C8B: variants seen among roughly 807,000 people sequenced by gnomAD.
C8B encodes complement C8 beta chain, also known as complement component C8 beta chain.
A neutral mutation model predicts 64.6 loss-of-function variants in C8B; 67 were observed. The ratio of observed to expected loss-of-function variants is 1.04; its 90% CI spans 0.85 to 1.27. The LOEUF is 1.27. C8B is among the 50% of genes most tolerant of loss of function. The pLI is 0.00. For missense variants in C8B, 790 were observed against 725.2 expected (o/e 1.09, Z -1.03); for synonymous variants, 284 against 257.7 (o/e 1.10, Z -0.98).
Position 56,954,813 on chromosome 1 carries a change from G to T in C8B, c.406C>A (p.Arg136Ser). The stretch of plus-strand genomic sequence containing the variant: ...TTGTCCCCATTGCAAAGAAGTCTGC[G>T]GTTTACACACCTTCCTAGAATGGAG... ...VCAQTGRCVN[R>S]RLLCNGDNDC... Residue 136 changes from arginine (R) to serine (S), a missense_variant, in exon 4 of 12, where the codon CGC (arginine) becomes AGC (serine). By Grantham distance (110) the Arg-to-Ser change is moderately radical. Coordinates refer to ENST00000371237, the MANE Select transcript of C8B (RefSeq NM_000066.4). 1 of 1,614,080 alleles carries T rather than the reference G, an allele frequency of 6.2e-7. No individual in the cohort carries two copies. The highest frequency in any genetic ancestry group is 8.5e-7 in the Non-Finnish European group (1 of 1,179,994).
In C8B at chr1:56,943,760, T is replaced by C; in HGVS notation, c.1170A>G (p.Glu390=). The change falls in exon 8 of 12, where the codon GAA becomes GAG. Residue 390 remains glutamate (E), a synonymous_variant. Coordinates refer to ENST00000371237, the MANE Select transcript of C8B (RefSeq NM_000066.4). ...ACACACCCAGACTGACGTAGACCTC[T>C]TCAATGGCACCACCAATTTTAAAAT... ...KNDFKIGGAI[E]EVYVSLGVSV... is the part of the protein sequence containing the mutation. 1 of 1,614,110 alleles carries C rather than the reference T, an allele frequency of 6.2e-7. No homozygotes were observed.
intron 7 of C8B, among the ~76,000 whole-genome samples, chr1:56,944,265 T>TATAAAA (rs1644909949): frequency 6.6e-6 from 1 of 151,946 alleles, no homozygotes; most frequent in Non-Finnish European, 1.5e-5. Context: ...AAGTAAGGCA[T>TATAAAA]AGTATCTGGC....
In C8B at chr1:56,960,143, T is replaced by C; in HGVS notation, c.126A>G (p.Ala42=). The part of the protein sequence containing the change: ...GERPHSFGSN[A]VNKSFAKSRQ... ...TGCTCTTAGCAAAGCTCTTGTTGAC[T>C]GCATTTGACCCAAAGGAATGTGGCC... The change falls in exon 2 of 12, where the codon GCA becomes GCG. Residue 42 remains alanine, a synonymous_variant. Coordinates refer to ENST00000371237, the MANE Select transcript of C8B (RefSeq NM_000066.4). The C allele has an allele frequency of 1.9e-6, 3 of 1,614,208 alleles. No homozygotes were observed. Among genetic ancestry groups the C allele is most frequent in the Non-Finnish European group, 2.5e-6 (3 of 1,180,022 alleles).
chr1:56,931,136 T>C (rs773793455), intron 11 of C8B, among the ~76,000 whole-genome samples: 2 of 152,202 alleles, frequency 1.3e-5, no homozygotes, highest in African/African-American at 4.8e-5. Context: ...AAAAAGTCGC[T>C]GAAAGGAATA....
At chr1:56,944,053 G>A (rs140917249) in intron 7 of C8B, among the ~76,000 whole-genome samples, 19 of 152,218 alleles carry the variant, frequency 1.2e-4, no homozygotes, top group Admixed American at 6.5e-4. Context: ...AACGCTCTCT[G>A]AGGATTCTTG....
chr1:56,953,488 A>G (rs1481543378), intron 4 of C8B, among the ~76,000 whole-genome samples: 1 of 152,228 alleles, frequency 6.6e-6, no homozygotes, highest in Non-Finnish European at 1.5e-5. Context: ...GATGAGAAAC[A>G]TGAGGGTAAC....
At chr1:56,932,624 T>C (rs1236650563) in intron 10 of C8B, among the ~76,000 whole-genome samples, 1 of 152,218 alleles carries the variant, frequency 6.6e-6, no homozygotes, top group Non-Finnish European at 1.5e-5. Context: ...CTGTATGCTC[T>C]CACTTATGTC....
At chr1:56,942,620 C>G (rs562005851) in intron 8 of C8B, among the ~76,000 whole-genome samples, 110 of 152,198 alleles carry the variant, frequency 7.2e-4, no homozygotes, top group Non-Finnish European at 1.5e-3. Context: ...AGAAGAATCC[C>G]TTGAACCCGG....
At chr1:56,953,935 G>T (rs1423189686) in intron 4 of C8B, among the ~76,000 whole-genome samples, 1 of 152,192 alleles carries the variant, frequency 6.6e-6, no homozygotes, top group Admixed American at 6.5e-5. Flanking sequence ...AGCCTCCCAT[G>T]TGAAGAGTCT....
intron 5 of C8B, 57 bp from the exon 6 acceptor site, chr1:56,949,809 C>T (rs568731147): frequency 4.9e-6 from 6 of 1,223,136 alleles, no homozygotes; most frequent in African/African-American, 1.5e-5. Context: ...CAGTTCAATA[C>T]CAGTGAGCAG....
Position 56,931,887 on chromosome 1 carries a change from A to G in C8B, c.1553-9T>C. ...GCAGTCACAGCGTGATCCTGAGAAG[A>G]CAAGGCAGAGAAAGTGTGAATCATG... On this transcript the variant is annotated splice_polypyrimidine_tract_variant and intron_variant, in intron 10 of 11. Coordinates refer to ENST00000371237, the MANE Select transcript of C8B (RefSeq NM_000066.4). The G allele has an allele frequency of 6.2e-7, 1 of 1,609,918 alleles. No homozygotes were observed. Among genetic ancestry groups the G allele is most frequent in the Non-Finnish European group, 8.5e-7 (1 of 1,177,134 alleles).
intron 6 of C8B, among the ~76,000 whole-genome samples, chr1:56,946,381 T>A (rs1487532338): frequency 1.3e-5 from 2 of 152,178 alleles, no homozygotes; most frequent in Non-Finnish European, 2.9e-5. Context: ...ACATGGGGTT[T>A]GCTAACCTGC....
At chr1:56,942,581 T>TG (rs1644879697) in intron 8 of C8B, among the ~76,000 whole-genome samples, 1 of 152,066 alleles carries the variant, frequency 6.6e-6, no homozygotes, top group Non-Finnish European at 1.5e-5. Flanking sequence ...GGCACATGCC[T>TG]GTAGTCCCAG....
intron 7 of C8B, 88 bp from the exon 8 acceptor site, chr1:56,943,912 G>A (rs1403117496): frequency 4.7e-6 from 7 of 1,482,320 alleles, no homozygotes; most frequent in South Asian, 2.3e-5. Flanking sequence ...GCCTAGCCCT[G>A]TTGAATGTCA....
At chr1:56,956,023 C>T (rs914024902) in intron 3 of C8B, among the ~76,000 whole-genome samples, 12 of 152,190 alleles carry the variant, frequency 7.9e-5, no homozygotes, top group East Asian at 1.9e-4. Context: ...TTCCTTCCTT[C>T]TGTCAGTCTA....
intron 6 of C8B, among the ~76,000 whole-genome samples, chr1:56,948,001 T>C (rs1292574635): frequency 2.0e-5 from 3 of 152,184 alleles, no homozygotes; most frequent in Non-Finnish European, 4.4e-5. Flanking sequence ...TCATGTTTGC[T>C]GCTCCTACTA....
intron 5 of C8B, among the ~76,000 whole-genome samples, chr1:56,951,552 T>C (rs2101431861): frequency 6.6e-6 from 1 of 152,190 alleles, no homozygotes; most frequent in East Asian, 1.9e-4. Flanking sequence ...CTGCTTTTAA[T>C]AGGCAGGGAT....
At chr1:56,937,307 A>G (rs943457913) in intron 9 of C8B, among the ~76,000 whole-genome samples, 9 of 152,178 alleles carry the variant, frequency 5.9e-5, no homozygotes, top group African/African-American at 2.2e-4. Context: ...CGCAGCCCCC[A>G]TCAGCTGGAT....
chr1:56,951,145 T>C (rs1239293850), intron 5 of C8B, among the ~76,000 whole-genome samples: 1 of 152,144 alleles, frequency 6.6e-6, no homozygotes, highest in Non-Finnish European at 1.5e-5. Flanking sequence ...TGGTACGACC[T>C]TGACTCACTG....
Sources: allele counts gnomAD v4.1 joint callset (sites outside exome capture counted in the v4.1 genomes callset), GRCh38; gene constraint gnomAD v4.1.1; transcripts MANE v1.5; gene names NCBI Gene and HGNC (gene_info 2026-07-23, HGNC 2026-07-21).